Variants in QRICH1 observed in about 807,000 individuals in gnomAD.
The protein encoded by QRICH1 is glutamine rich 1.
In QRICH1, 16 loss-of-function variants were observed where a neutral mutation model predicts 87.1. That is an observed-to-expected ratio of 0.18 (90% confidence interval 0.12 to 0.28). The LOEUF (loss-of-function observed/expected upper bound fraction) is 0.28. QRICH1 is among the 10% of genes least tolerant of loss of function. The pLI is 1.00. For synonymous variants in QRICH1, 367 were observed against 368.4 expected (o/e 1.00, Z 0.05); for missense variants, 647 against 951.7 (o/e 0.68, Z 4.21).
At chr3:49,088,001 GA>G (rs1418444260) in intron 1 of QRICH1, among the ~76,000 whole-genome samples, 9 of 150,044 alleles carry the variant, frequency 6.0e-5, no homozygotes, top group Non-Finnish European at 3.0e-5. Context: ...ACCCAGGCTG[GA>G]ATGCAGTGGC....
In QRICH1 at chr3:49,077,859, A is replaced by G. The variant is rs548021958; in HGVS notation, c.-21-821T>C. 2.0e-5 allele frequency among the ~76,000 whole-genome samples: 3 copies of G among 152,340 alleles called. No individual in the cohort carries two copies. In the South Asian group the frequency reaches 6.2e-4, roughly 32 times the overall value. ...AAATAATTCTGGAAAAAAGGTAAAT[A>G]GTGCTTTAAATATCCAGGTCACTAC... is the stretch of plus-strand genomic sequence containing the variant. On this transcript the variant is annotated intron_variant, in intron 1 of 9. Transcript: ENST00000395443.
intron 3 of QRICH1, among the ~76,000 whole-genome samples, chr3:49,055,107 T>C (rs1007894460): frequency 4.6e-5 from 7 of 152,226 alleles, no homozygotes; most frequent in Admixed American, 2.0e-4. Flanking sequence ...CCTTCTCTTA[T>C]TCTATTTCTA....
At chr3:49,043,969 G>A (rs1209841713) in intron 6 of QRICH1, among the ~76,000 whole-genome samples, 1 of 152,158 alleles carries the variant, frequency 6.6e-6, no homozygotes, top group Non-Finnish European at 1.5e-5. Context: ...CCAAGACCAT[G>A]TTTTTTTAAG....
At chr3:49,094,249 C>G (rs1000476152), upstream of QRICH1, 12 of 381,534 alleles carry the variant, frequency 3.1e-5, no homozygotes, top group African/African-American at 2.1e-4. Flanking sequence ...ATGGACGCCT[C>G]TCCATGTGGG....
At chr3:49,088,296 T>C (rs779853176) in intron 1 of QRICH1, among the ~76,000 whole-genome samples, 4 of 152,016 alleles carry the variant, frequency 2.6e-5, no homozygotes, top group Non-Finnish European at 4.4e-5. Context: ...TTTGTTTCTT[T>C]GTATTTTTAT....
chr3:49,050,248 C>CAAAAAAAAAAAAAAAAAAAAAAAAAAA (rs527597101), intron 3 of QRICH1, among the ~76,000 whole-genome samples: 7 of 52,408 alleles, frequency 1.3e-4, no homozygotes, highest in Admixed American at 2.3e-4. Flanking sequence ...GACTCCGTCT[C>CAAAAAAAAAAAAAAAAAAAAAAAAAAA]AAAAAAAAAA....
intron 3 of QRICH1, among the ~76,000 whole-genome samples, chr3:49,051,959 G>C (rs1037215448): frequency 2.0e-5 from 3 of 152,194 alleles, no homozygotes; most frequent in Non-Finnish European, 4.4e-5. Flanking sequence ...CAGGTTGAAA[G>C]CTACTCATAC....
intron 1 of QRICH1, chr3:49,093,123 T>C (rs1309498189): frequency 1.3e-5 from 2 of 152,320 alleles, no homozygotes; most frequent in Middle Eastern, 3.4e-3. Flanking sequence ...GGCCTTCTAA[T>C]ATTAACCTTC....
chr3:49,057,348 T>C lies in QRICH1; in HGVS notation c.852A>G (p.Pro284=), dbSNP rs1480990485. The C allele has an allele frequency of 2.5e-6, 4 of 1,614,202 alleles. No individual in the cohort carries two copies. Among genetic ancestry groups the C allele is most frequent in the Non-Finnish European group, 3.4e-6 (4 of 1,180,038 alleles). The change falls in exon 3 of 10, where the codon CCA becomes CCG. Residue 284 remains proline, a synonymous_variant. Transcript: ENST00000395443. The surrounding 1 kb of genome is among the most constrained non-coding windows in gnomAD (Gnocchi z 5.4). ...GQQQSYVSLR[P]DLLTVDSAHL... is the part of the protein sequence containing the mutation. ...GGGCACTGTCTACTGTCAGTAAGTCTGGCCTCAAAGACACATAACTCTGCT... is the reference window on the plus strand; with the variant it reads ...GGGCACTGTCTACTGTCAGTAAGTCCGGCCTCAAAGACACATAACTCTGCT...
intron 6 of QRICH1, 131 bp downstream of exon 6, chr3:49,044,259 T>C (rs2093327202): frequency 1.4e-6 from 1 of 713,092 alleles, no homozygotes; most frequent in African/African-American, 1.8e-5. Flanking sequence ...AGTAGCACAG[T>C]GGCCAATGCT....
chr3:49,057,104 A>G lies in QRICH1; in HGVS notation c.1096T>C (p.Ser366Pro), dbSNP rs761754908. The stretch of plus-strand genomic sequence containing the variant: ...TCTTCATGGGAGTTTTTCACTACAG[A>G]TGTGGTGCCCACCATCTTCTCCTTG... The part of the protein sequence containing the change: ...DDKEKMVGTT[S>P]VVKNSHEEVV... Residue 366 changes from serine to proline, a missense_variant, in exon 3 of 10, where the codon TCT becomes CCT. Around this residue, in one of 7 missense-constraint regions of QRICH1, gnomAD observed 115 missense variants for 126.8 expected, o/e 0.91. Transcript: ENST00000395443. This position sits in a 1 kb window ranked among gnomAD's most constrained non-coding sequence, Gnocchi z 5.4. 16 of 1,614,022 alleles carry G rather than the reference A, an allele frequency of 9.9e-6. No homozygotes were observed. The highest frequency in any genetic ancestry group is 2.7e-5 in the African/African-American group (2 of 74,908).
intron 6 of QRICH1, among the ~76,000 whole-genome samples, chr3:49,035,747 C>G (rs1226691135): frequency 6.6e-6 from 1 of 151,996 alleles, no homozygotes; most frequent in Admixed American, 6.6e-5. Context: ...ATCATCATGA[C>G]ATTGTACTCC....
chr3:49,034,405 G>A (rs957826907), intron 6 of QRICH1, among the ~76,000 whole-genome samples: 6 of 149,846 alleles, frequency 4.0e-5, no homozygotes, highest in African/African-American at 1.2e-4. Context: ...TCGCACCACT[G>A]TACTTAAGCC....
intron 3 of QRICH1, among the ~76,000 whole-genome samples, chr3:49,053,407 C>G (rs1166636960): frequency 6.7e-6 from 1 of 148,880 alleles, no homozygotes; most frequent in Non-Finnish European, 1.5e-5. Context: ...ATGGTGTGAA[C>G]TCGGGAGGCG....
chr3:49,093,601 C>G (rs1001468477), intron 1 of QRICH1: 2 of 154,284 alleles, frequency 1.3e-5, no homozygotes, highest in Non-Finnish European at 2.9e-5. Context: ...GATATCCGGG[C>G]CGGGAACGCG....
Position 49,030,413 on chromosome 3 carries a change from T to A in QRICH1, c.*39A>T. 6.3e-7 allele frequency: 1 copy of A among 1,594,954 alleles called. No homozygotes were observed. Among genetic ancestry groups the A allele is most frequent in the Non-Finnish European group, 8.6e-7 (1 of 1,169,238 alleles). ...CTTTAGTGTGAAAGTCTGTCTGGTT[T>A]TTCCTGGCTGGTTTCTCTTGTGCCA... On this transcript the variant is annotated 3_prime_UTR_variant, in exon 10 of 10. Coordinates refer to ENST00000395443, the MANE Select transcript of QRICH1 (RefSeq NM_198880.3).
intron 2 of QRICH1, among the ~76,000 whole-genome samples, chr3:49,072,935 G>C (rs1019240020): frequency 6.6e-6 from 1 of 151,960 alleles, no homozygotes; most frequent in Non-Finnish European, 1.5e-5. Flanking sequence ...CTAGCTACTC[G>C]GGAGGCTGAG....
At position 49,030,045 on chromosome 3, in the gene QRICH1, G is replaced by A. The variant is rs2093224729; in HGVS notation, c.*407C>T. On this transcript the variant is annotated 3_prime_UTR_variant, in exon 10 of 10. Transcript: ENST00000395443. ...AAGAAAAGAACATCGTTCCCCTGTG[G>A]TCAGCAAAGTCTGTCAGCCCAGTGG... 6.8e-6 allele frequency: 2 copies of A among 294,146 alleles called. No individual in the cohort carries two copies. The allele number at this position is 294,146 out of a possible 1,614,324, so 18.2% of individuals were successfully genotyped here. A position where few individuals can be genotyped will look rare whatever the true frequency, so the allele number is the denominator to read the frequency against.
At chr3:49,072,293 T>C (rs887068990) in intron 2 of QRICH1, among the ~76,000 whole-genome samples, 4 of 151,786 alleles carry the variant, frequency 2.6e-5, no homozygotes, top group Middle Eastern at 3.4e-3. Flanking sequence ...AAAAAGTAAG[T>C]AAATAAATAT....
Sources: allele counts gnomAD v4.1 joint callset (sites outside exome capture counted in the v4.1 genomes callset), GRCh38; gene constraint gnomAD v4.1.1; regional missense constraint gnomAD v4.1.1; non-coding constraint Gnocchi (gnomAD v3.1); transcripts MANE v1.5; gene names NCBI Gene and HGNC (gene_info 2026-07-23, HGNC 2026-07-21).